The following IKBKB variants were observed in gnomAD, a reference collection of about 807,000 sequenced individuals.
IKBKB encodes inhibitor of nuclear factor kappa B kinase subunit beta.
IKBKB carries 42 observed loss-of-function variants against 113.6 expected under a neutral mutation model. The observed-to-expected ratio is 0.37, with a 90% CI of 0.29 to 0.48. IKBKB has a LOEUF of 0.48. Ranked by LOEUF, IKBKB falls within the 20% of genes least tolerant of loss-of-function variation. The pLI, the probability that IKBKB is intolerant of heterozygous loss-of-function variation, is 0.99. For synonymous variants in IKBKB, 296 were observed against 361.3 expected, an observed-to-expected ratio of 0.82 and a Z score of 2.05; for missense variants, 673 against 939.7, an observed-to-expected ratio of 0.72 and a Z score of 3.71.
intron 2 of IKBKB, among the ~76,000 whole-genome samples, chr8:42,275,619 A>T (rs1047063813): frequency 6.6e-6 from 1 of 152,136 alleles, no homozygotes; most frequent in Non-Finnish European, 1.5e-5. Context: ...GCAGGATTTC[A>T]TTCTTTTTTA....
rs1285241080 is a variant in IKBKB at position 42,326,112 on chromosome 8, G to A, written c.2114+15G>A. Reference sequence around the variant, plus strand: ...GCCAAGAAGAGGTAGGTCCTCCTTAGCAGTGCCAAGTGTGACCATCAAGGG... The same window carrying A: ...GCCAAGAAGAGGTAGGTCCTCCTTAACAGTGCCAAGTGTGACCATCAAGGG... On this transcript the variant is annotated intron_variant, in intron 20 of 21. Coordinates refer to ENST00000520810, the MANE Select transcript of IKBKB (RefSeq NM_001556.3). 1 of 1,613,978 alleles carries A rather than the reference G, an allele frequency of 6.2e-7. No individual in the cohort carries two copies.
chr8:42,310,223 A>G (rs917393357), intron 8 of IKBKB, among the ~76,000 whole-genome samples: 3 of 152,200 alleles, frequency 2.0e-5, no homozygotes, highest in Non-Finnish European at 4.4e-5. Context: ...TCTGCTCAAA[A>G]TTTACTTACT....
intron 15 of IKBKB, 69 bp downstream of exon 15, chr8:42,319,715 T>G (rs1427678231): frequency 7.8e-7 from 1 of 1,287,776 alleles, no homozygotes; most frequent in Non-Finnish European, 1.1e-6. Flanking sequence ...CTTTTCACTT[T>G]CTCATCAAAC....
chr8:42,320,417 G>T, intron 15 of IKBKB: 2 of 271,748 alleles, frequency 7.4e-6, no homozygotes, highest in Non-Finnish European at 1.4e-5. Flanking sequence ...GGCATCTTCT[G>T]TATGCCAGGC....
At chr8:42,293,937 T>C (rs945824818) in intron 5 of IKBKB, among the ~76,000 whole-genome samples, 1 of 152,220 alleles carries the variant, frequency 6.6e-6, no homozygotes, top group African/African-American at 2.4e-5. Flanking sequence ...TTTTAATCCC[T>C]TGGGTACTGT....
intron 5 of IKBKB, among the ~76,000 whole-genome samples, chr8:42,304,875 A>G (rs1816192102): frequency 6.6e-6 from 1 of 152,232 alleles, no homozygotes; most frequent in South Asian, 2.1e-4. Context: ...TCTCAGGTGG[A>G]GCCCGAGAAT....
intron 2 of IKBKB, among the ~76,000 whole-genome samples, chr8:42,273,675 G>A (rs1472016863): frequency 6.6e-6 from 1 of 151,696 alleles, no homozygotes; most frequent in African/African-American, 2.4e-5. Flanking sequence ...CAAAATGTTT[G>A]GATTACAGGC....
intron 4 of IKBKB, 51 bp downstream of exon 4, chr8:42,290,324 A>C (rs1430529339): frequency 3.8e-6 from 5 of 1,309,136 alleles, no homozygotes; most frequent in Non-Finnish European, 5.5e-6. Flanking sequence ...CAGGTGGGAC[A>C]CCAGGAAGAG....
intron 7 of IKBKB, among the ~76,000 whole-genome samples, chr8:42,306,699 C>T (rs1251610062): frequency 1.3e-5 from 2 of 152,240 alleles, no homozygotes; most frequent in Non-Finnish European, 2.9e-5. Context: ...GCTTCAGTGT[C>T]TTCTCTGAAA....
intron 2 of IKBKB, among the ~76,000 whole-genome samples, chr8:42,287,874 A>G (rs937204934): frequency 5.3e-5 from 8 of 152,170 alleles, no homozygotes; most frequent in Non-Finnish European, 1.0e-4. Context: ...AAGACACTCA[A>G]TGTGGTGTTC....
intron 2 of IKBKB, among the ~76,000 whole-genome samples, chr8:42,280,135 A>G (rs539372153): frequency 1.3e-5 from 2 of 152,214 alleles, no homozygotes; most frequent in Admixed American, 6.5e-5. Context: ...GGCATGAGCC[A>G]CTGTGCTTGG....
intron 8 of IKBKB, chr8:42,314,017 G>A (rs1420158418): frequency 7.0e-6 from 2 of 286,368 alleles, no homozygotes; most frequent in African/African-American, 4.3e-5. Context: ...ATAGATGACA[G>A]TGGTCTCATG....
intron 2 of IKBKB, among the ~76,000 whole-genome samples, chr8:42,274,850 G>A (rs1337110698): frequency 7.5e-6 from 1 of 132,564 alleles, no homozygotes; most frequent in African/African-American, 2.6e-5. Context: ...GAACTACCGA[G>A]CCTGGACGAG....
At chr8:42,319,004 A>G (rs1467983294) in intron 13 of IKBKB, 4 of 555,766 alleles carry the variant, frequency 7.2e-6, no homozygotes, top group African/African-American at 1.9e-5. Flanking sequence ...GGACTTACGG[A>G]CTCTTTCCTC....
intron 8 of IKBKB, among the ~76,000 whole-genome samples, chr8:42,309,293 T>A (rs1390175648): frequency 6.6e-6 from 1 of 152,220 alleles, no homozygotes. Context: ...TCATCTGCTC[T>A]GTGTTCAGAA....
At chr8:42,317,817 A>T in intron 12 of IKBKB, 46 bp downstream of exon 12, 1 of 1,369,880 alleles carries the variant, frequency 7.3e-7, no homozygotes, top group Non-Finnish European at 1.0e-6. Flanking sequence ...CCGTTATAAT[A>T]TGTGGGACAA....
chr8:42,280,819 A>G (rs909133966), intron 2 of IKBKB, among the ~76,000 whole-genome samples: 2 of 152,154 alleles, frequency 1.3e-5, no homozygotes, highest in African/African-American at 4.8e-5. Flanking sequence ...CCTTCTATGA[A>G]GCAGCACGGA....
intron 3 of IKBKB, among the ~76,000 whole-genome samples, chr8:42,289,229 G>C (rs1017507047): frequency 7.2e-5 from 11 of 152,226 alleles, no homozygotes; most frequent in African/African-American, 2.6e-4. Context: ...AAAGAGAAGA[G>C]AGTCTTAAAT....
chr8:42,308,783 A>T, intron 7 of IKBKB, 118 bp from the exon 8 acceptor site: 1 of 916,728 alleles, frequency 1.1e-6, no homozygotes, highest in Non-Finnish European at 1.7e-6. Flanking sequence ...CCCTGCATGC[A>T]TGTGCCAGTG....
Sources: gnomAD v4.1 joint callset for allele counts (sites outside exome capture counted in the v4.1 genomes callset) on GRCh38, gnomAD v4.1.1 for gene constraint, MANE v1.5 for transcripts, NCBI Gene and HGNC (gene_info 2026-07-23, HGNC 2026-07-21) for gene names.